P2RY2: variants seen among roughly 807,000 people sequenced by gnomAD.
P2RY2 encodes the protein purinergic receptor P2Y2, also known as P2Y purinoceptor 2.
For synonymous variants in P2RY2, 241 were observed against 231.9 expected (o/e 1.04, Z -0.35); for missense variants, 567 against 515.7 (o/e 1.10, Z -0.96).
chr11:73,230,511 G>A (rs1477927535), intron 2 of P2RY2, among the ~76,000 whole-genome samples: 1 of 152,026 alleles, frequency 6.6e-6, no homozygotes, highest in Non-Finnish European at 1.5e-5. Flanking sequence ...TTATGCAAAT[G>A]ACTCGACCCT....
chr11:73,219,076 T>G (rs1432540517), intron 1 of P2RY2, among the ~76,000 whole-genome samples: 1 of 152,180 alleles, frequency 6.6e-6, no homozygotes, highest in Non-Finnish European at 1.5e-5. Flanking sequence ...CCAGTGGCCC[T>G]CTTGGGGTCC....
intron 2 of P2RY2, among the ~76,000 whole-genome samples, chr11:73,233,242 T>C (rs905933906): frequency 1.3e-5 from 2 of 152,328 alleles, no homozygotes; most frequent in Non-Finnish European, 2.9e-5. Flanking sequence ...GGGGCAGGAC[T>C]GCTGTTGATA....
chr11:73,221,606 C>T (rs1459202381), intron 1 of P2RY2, among the ~76,000 whole-genome samples: 2 of 152,172 alleles, frequency 1.3e-5, no homozygotes, highest in Admixed American at 6.5e-5. Flanking sequence ...GGGGTTGCCC[C>T]TCATGCCTTC....
In P2RY2 at chr11:73,235,443, T is replaced by G; in HGVS notation, c.*150T>G. The G allele has an allele frequency of 8.5e-6, 12 of 1,419,920 alleles. No homozygotes were observed. The highest frequency in any genetic ancestry group is 1.4e-5 in the African/African-American group (1 of 69,474). The allele number at this position is 1,419,920 out of a possible 1,614,324, so 88.0% of individuals were successfully genotyped here. The stretch of plus-strand genomic sequence containing the variant: ...CGTCATTTGACAGGGGCTCAGGATA[T>G]TCACTCTGTGGTCCAGAGTCAACTG... On this transcript the variant is annotated 3_prime_UTR_variant, in exon 3 of 3. Transcript: ENST00000393597.
At position 73,235,837 on chromosome 11, in the gene P2RY2, C is replaced by T; in HGVS notation, c.*544C>T. 6.0e-6 allele frequency: 6 copies of T among 1,000,822 alleles called. No homozygotes were observed. The highest frequency in any genetic ancestry group is 7.2e-6 in the Non-Finnish European group (6 of 830,450). 62.0% of individuals were successfully genotyped at this position (1,000,822 alleles called of 1,614,324 possible). Reference sequence around the variant, plus strand: ...GAGTACCCCCAGCCCAAGAGATGAACATCTGGGGACTAATATCATAGACCC... The same window carrying T: ...GAGTACCCCCAGCCCAAGAGATGAATATCTGGGGACTAATATCATAGACCC... On this transcript the variant is annotated 3_prime_UTR_variant, in exon 3 of 3. Coordinates refer to ENST00000393597, the MANE Select transcript of P2RY2 (RefSeq NM_002564.4).
chr11:73,223,472 C>G (rs1862180193), intron 1 of P2RY2, among the ~76,000 whole-genome samples: 1 of 117,772 alleles, frequency 8.5e-6, no homozygotes, highest in South Asian at 3.6e-4. Flanking sequence ...ACACAGCCTC[C>G]ACATTAGGAC....
chr11:73,234,700 G>A lies in P2RY2; in HGVS notation c.541G>A (p.Val181Ile), dbSNP rs143651403. The A allele has an allele frequency of 1.6e-3, 2,581 of 1,605,902 alleles. 39 individuals are homozygous for A. Among genetic ancestry groups the A allele is most frequent in the Non-Finnish European group, 3.6e-4 (429 of 1,177,892 alleles). ...FVTTSARGGR[V>I]TCHDTSAPEL... ...CACCACCAGCGCGCGCGGGGGCCGC[G>A]TAACCTGCCACGACACCTCGGCACC... Residue 181 changes from valine (V) to isoleucine (I), a missense_variant, in exon 3 of 3, where the codon GTA becomes ATA. Coordinates refer to ENST00000393597, the MANE Select transcript of P2RY2 (RefSeq NM_002564.4).
intron 2 of P2RY2, among the ~76,000 whole-genome samples, chr11:73,233,121 A>G (rs1456323369): frequency 6.6e-6 from 1 of 152,158 alleles, no homozygotes; most frequent in Non-Finnish European, 1.5e-5. Context: ...AGCTGCATTT[A>G]CCACACAAAA....
chr11:73,225,327 G>A (rs1379113083), intron 1 of P2RY2, among the ~76,000 whole-genome samples: 2 of 152,242 alleles, frequency 1.3e-5, no homozygotes, highest in Non-Finnish European at 2.9e-5. Context: ...TAGGGGCAGA[G>A]CCAGGTCAGG....
chr11:73,231,574 A>G (rs2135642523), intron 2 of P2RY2, among the ~76,000 whole-genome samples: 1 of 151,354 alleles, frequency 6.6e-6, no homozygotes, highest in East Asian at 1.9e-4. Flanking sequence ...AAAAAAAAAA[A>G]GAAAGAAAAA....
In P2RY2 at chr11:73,235,156, C is replaced by G. The variant is rs771515142; in HGVS notation, c.997C>G (p.Arg333Gly). The G allele has an allele frequency of 5.0e-6, 8 of 1,608,528 alleles. No individual in the cohort carries two copies. Among genetic ancestry groups the G allele is most frequent in the East Asian group, 2.2e-5 (1 of 44,850 alleles). Residue 333 changes from arginine (R) to glycine (G), a missense_variant, in exon 3 of 3, where the codon CGC (arginine) becomes GGC (glycine). By Grantham distance (125) the Arg-to-Gly change is moderately radical. Coordinates refer to ENST00000393597, the MANE Select transcript of P2RY2 (RefSeq NM_002564.4). Reference sequence around the variant, plus strand: ...TGGCCCCAGCCCTGCCACCCCGGCTCGCCGCAGGCTGGGCCTGCGCAGATC... The same window carrying G: ...TGGCCCCAGCCCTGCCACCCCGGCTGGCCGCAGGCTGGGCCTGCGCAGATC... Reference protein sequence around the residue: ...PTGPSPATPARRRLGLRRSDR... With the variant: ...PTGPSPATPAGRRLGLRRSDR...
intron 2 of P2RY2, among the ~76,000 whole-genome samples, chr11:73,231,727 C>T (rs147557503): frequency 2.1e-4 from 32 of 152,062 alleles, no homozygotes; most frequent in African/African-American, 7.2e-4. Context: ...GCAGAGTCCC[C>T]CAGTCCCTTA....
At chr11:73,219,937 A>G (rs1862071965) in intron 1 of P2RY2, among the ~76,000 whole-genome samples, 1 of 152,210 alleles carries the variant, frequency 6.6e-6, no homozygotes, top group Non-Finnish European at 1.5e-5. Flanking sequence ...TGGGGCTGAC[A>G]GCCCTGGTCC....
In P2RY2 at chr11:73,234,629, T is replaced by C. The variant is rs1862570241; in HGVS notation, c.470T>C (p.Val157Ala). 1.3e-6 allele frequency: 2 copies of C among 1,571,452 alleles called. No individual in the cohort carries two copies. Among genetic ancestry groups the C allele is most frequent in the South Asian group, 1.2e-5 (1 of 83,704 alleles). Residue 157 changes from valine (V) to alanine (A), a missense_variant, in exon 3 of 3, where the codon GTG (valine) becomes GCG (alanine). By Grantham distance (64) the Val-to-Ala change is moderately conservative. Coordinates refer to ENST00000393597, the MANE Select transcript of P2RY2 (RefSeq NM_002564.4). ...ARYARRVAGA[V>A]WVLVLACQAP... ...TACGCTCGCCGGGTGGCCGGGGCCGTGTGGGTGTTGGTGCTGGCCTGCCAG... is the reference window on the plus strand; with the variant it reads ...TACGCTCGCCGGGTGGCCGGGGCCGCGTGGGTGTTGGTGCTGGCCTGCCAG...
At chr11:73,228,968 G>A (rs1862366668) in intron 2 of P2RY2, among the ~76,000 whole-genome samples, 1 of 151,000 alleles carries the variant, frequency 6.6e-6, no homozygotes, top group Non-Finnish European at 1.5e-5. Flanking sequence ...TGCCTCCTCT[G>A]GGCCCCCATA....
rs150095451 is a variant in P2RY2, at chr11:73,221,906, G to A, written c.-200+3474G>A. ...GTCTTTGGGAAATGAGTGGCCAGGC[G>A]GGAGTAGGCATGGAGTAGAAGGGGA... is the stretch of plus-strand genomic sequence containing the variant. On this transcript the variant is annotated intron_variant, in intron 1 of 2. Coordinates refer to ENST00000393597, the MANE Select transcript of P2RY2 (RefSeq NM_002564.4). Among the ~76,000 whole-genome samples the A allele has an allele frequency of 4.1e-3, 618 of 151,180 alleles. 3 individuals carry two copies. Among genetic ancestry groups the A allele is most frequent in the African/African-American group, 0.014 (580 of 40,444 alleles).
intron 2 of P2RY2, among the ~76,000 whole-genome samples, chr11:73,233,480 G>A (rs1449634215): frequency 6.6e-6 from 1 of 152,226 alleles, no homozygotes; most frequent in Admixed American, 6.5e-5. Flanking sequence ...GTGTGAAGCA[G>A]GGCCAGCCAG....
Position 73,237,818 on chromosome 11 carries a change from C to T in P2RY2, c.*2525C>T, listed in dbSNP as rs1446663395. On this transcript the variant is annotated 3_prime_UTR_variant, in exon 3 of 3. Transcript: ENST00000393597. The stretch of plus-strand genomic sequence containing the variant: ...GGGTGAAGTTCCTGCCCTGATGCCT[C>T]ATGCTATTTTCAGCCCAAGTAAGAC... Among the ~76,000 whole-genome samples, 1 of 152,216 alleles carries T rather than the reference C, an allele frequency of 6.6e-6. No individual in the cohort carries two copies. Among genetic ancestry groups the T allele is most frequent in the Non-Finnish European group, 1.5e-5 (1 of 68,046 alleles).
At chr11:73,234,089 C>A in intron 2 of P2RY2, 67 bp from the exon 3 acceptor site, 5 of 1,516,992 alleles carry the variant, frequency 3.3e-6, no homozygotes, top group Non-Finnish European at 4.4e-6. Flanking sequence ...GGTCAGGTGG[C>A]TGTGTCAGGT....
Sources: gnomAD v4.1 joint callset for allele counts (sites outside exome capture counted in the v4.1 genomes callset) on GRCh38, gnomAD v4.1.1 for gene constraint, MANE v1.5 for transcripts, NCBI Gene and HGNC (gene_info 2026-07-23, HGNC 2026-07-21) for gene names.